The following ACTN4 variants were observed in gnomAD, a reference collection of about 807,000 sequenced individuals.
ACTN4 encodes the protein actinin alpha 4.
In ACTN4, 18 loss-of-function variants were observed where a neutral mutation model predicts 114.2. The observed-to-expected ratio is 0.16, with a 90% CI of 0.11 to 0.23. The LOEUF is 0.23. Among genes scored for constraint, ACTN4 ranks in the 10% least tolerant of loss-of-function variants. The pLI is 1.00. For synonymous variants in ACTN4, 515 were observed against 506.3 expected (o/e 1.02, Z -0.23); for missense variants, 722 against 1,262.9 (o/e 0.57, Z 6.49).
At chr19:38,684,995 G>C (rs769533862) in intron 1 of ACTN4, among the ~76,000 whole-genome samples, 4 of 152,132 alleles carry the variant, frequency 2.6e-5, no homozygotes, top group Non-Finnish European at 4.4e-5. Flanking sequence ...AGCCAGGGTG[G>C]AAGGCAGTGG....
rs1968624095 is a variant in ACTN4, at chr19:38,710,844, G to A, written c.819+502G>A. 1.5e-5 allele frequency: 4 copies of A among 268,072 alleles called. No homozygotes were observed. In the Admixed American group the frequency reaches 2.0e-4, roughly 13 times the overall value. The allele number at this position is 268,072 out of a possible 1,614,324, so 16.6% of individuals were successfully genotyped here. A position where few individuals can be genotyped will look rare whatever the true frequency, so the allele number is the denominator to read the frequency against. On this transcript the variant is annotated intron_variant, in intron 8 of 20. Transcript: ENST00000252699. ...ACAGGAAGAAGCTTGGCGTATTCAG[G>A]GACCAGCTAGAGAGGAGTGAGTGAC...
intron 1 of ACTN4, among the ~76,000 whole-genome samples, chr19:38,667,431 C>T (rs1966995926): frequency 6.6e-6 from 1 of 152,110 alleles, no homozygotes; most frequent in African/African-American, 2.4e-5. Context: ...GGGGGTGTCT[C>T]AGAAATATTC....
intron 1 of ACTN4, among the ~76,000 whole-genome samples, chr19:38,649,241 G>A (rs1976483078): frequency 7.2e-6 from 1 of 139,822 alleles, no homozygotes; most frequent in Admixed American, 7.2e-5. Context: ...CAGAAGTGGA[G>A]TGGGATCCCC....
intron 1 of ACTN4, among the ~76,000 whole-genome samples, chr19:38,678,654 C>T (rs367829414): frequency 3.3e-5 from 5 of 152,150 alleles, no homozygotes; most frequent in Admixed American, 6.6e-5. Flanking sequence ...GGACCCAGGG[C>T]GACACAGCCA....
intron 1 of ACTN4, among the ~76,000 whole-genome samples, chr19:38,653,774 C>T (rs1284652551): frequency 2.6e-5 from 4 of 152,132 alleles, no homozygotes; most frequent in Admixed American, 6.5e-5. Context: ...TTTTTTCCTC[C>T]GTTTCTTTTT....
chr19:38,714,991 G>A (rs568590661), intron 9 of ACTN4, among the ~76,000 whole-genome samples: 28 of 152,306 alleles, frequency 1.8e-4, no homozygotes, highest in African/African-American at 6.3e-4. Context: ...CCAGCAAGAC[G>A]GGAACTCGGA....
At chr19:38,700,896 C>T in intron 2 of ACTN4, 106 bp from the exon 3 acceptor site, 4 of 1,527,506 alleles carry the variant, frequency 2.6e-6, no homozygotes, top group Non-Finnish European at 3.6e-6. Flanking sequence ...GCAGAGGAAC[C>T]TGCTTTTGGA....
chr19:38,705,833 T>C lies in ACTN4; in HGVS notation c.485-211T>C, dbSNP rs1358230214. On this transcript the variant is annotated intron_variant, in intron 4 of 20. Coordinates refer to ENST00000252699, the MANE Select transcript of ACTN4 (RefSeq NM_004924.6). ...GCCGTGAGGATTAAGCAGGGCCGTG[T>C]GTCCTGGCAGTTGGGCCTGGCAGCA... 5.9e-5 allele frequency among the ~76,000 whole-genome samples: 9 copies of C among 152,190 alleles called. No individual in the cohort carries two copies. The East Asian group carries it at 1.7e-3, about 29-fold the overall frequency.
chr19:38,689,656 C>T (rs1305887672), intron 1 of ACTN4, among the ~76,000 whole-genome samples: 2 of 151,970 alleles, frequency 1.3e-5, no homozygotes, highest in East Asian at 3.8e-4. Context: ...AGTCACCATA[C>T]CCAGTTAATT....
intron 8 of ACTN4, 137 bp from the exon 9 acceptor site, chr19:38,714,332 C>T: frequency 1.3e-6 from 1 of 787,676 alleles, no homozygotes; most frequent in Non-Finnish European, 2.2e-6. Flanking sequence ...GGCACCATCT[C>T]ACTGGAGCTG....
intron 5 of ACTN4, among the ~76,000 whole-genome samples, chr19:38,706,618 TA>T (rs1271287873): frequency 6.6e-6 from 1 of 152,102 alleles, no homozygotes; most frequent in African/African-American, 2.4e-5. Flanking sequence ...AGGGTCTCCC[TA>T]TGTTGCCCAG....
At chr19:38,664,141 C>T (rs577085244) in intron 1 of ACTN4, among the ~76,000 whole-genome samples, 7 of 152,214 alleles carry the variant, frequency 4.6e-5, no homozygotes, top group Admixed American at 3.9e-4. Context: ...CCCTGCAACG[C>T]GGGTGGCCTA....
chr19:38,699,997 G>A (rs1024358762), intron 1 of ACTN4, among the ~76,000 whole-genome samples: 10 of 152,138 alleles, frequency 6.6e-5, no homozygotes, highest in African/African-American at 2.2e-4. Context: ...CCACTTTCCT[G>A]TTCTGGGTTG....
Position 38,719,513 on chromosome 19 carries a change from A to G in ACTN4, c.1291+1439A>G, listed in dbSNP as rs139024970. On this transcript the variant is annotated intron_variant, in intron 11 of 20. Transcript: ENST00000252699. ...GCTACCAGGAAAGAGTGCGAGTGAG[A>G]GAGTGGATAGTGAGGGAGGAAGGGC... Among the ~76,000 whole-genome samples, 993 of 152,174 alleles carry G rather than the reference A, an allele frequency of 6.5e-3. 14 individuals carry two copies. Among genetic ancestry groups the G allele is most frequent in the African/African-American group, 0.023 (958 of 41,510 alleles).
intron 1 of ACTN4, among the ~76,000 whole-genome samples, chr19:38,654,378 A>G (rs1212969421): frequency 6.6e-6 from 1 of 152,100 alleles, no homozygotes; most frequent in Non-Finnish European, 1.5e-5. Flanking sequence ...CCTGGCGAAC[A>G]TGGTGAAACC....
At chr19:38,670,401 C>T (rs923305685) in intron 1 of ACTN4, among the ~76,000 whole-genome samples, 1 of 152,120 alleles carries the variant, frequency 6.6e-6, no homozygotes, top group Non-Finnish European at 1.5e-5. Flanking sequence ...TCATTTGGAC[C>T]CTTGTGAGGA....
rs530113729 is a variant in ACTN4 at position 38,731,150 on chromosome 19, G to C, written c.*1718G>C. ...GGGCCACACAGGACACGAACCGCTCGAAGTCCACACGCAGACGGCTATCCC... is the reference window on the plus strand; with the variant it reads ...GGGCCACACAGGACACGAACCGCTCCAAGTCCACACGCAGACGGCTATCCC... On this transcript the variant is annotated 3_prime_UTR_variant, in exon 21 of 21. Transcript: ENST00000252699. 6.2e-7 allele frequency: 1 copy of C among 1,613,146 alleles called. No homozygotes were observed. The highest frequency in any genetic ancestry group is 1.7e-5 in the Admixed American group (1 of 60,000).
Position 38,727,112 on chromosome 19 carries a change from C to T in ACTN4, c.2337+9C>T. 6.2e-7 allele frequency: 1 copy of T among 1,613,732 alleles called. No homozygotes were observed. Among genetic ancestry groups the T allele is most frequent in the South Asian group, 1.1e-5 (1 of 91,076 alleles). The stretch of plus-strand genomic sequence containing the variant: ...TCAACCACTTCGACAAGGTGAGCAG[C>T]CTGCCACCTCCTCGGCCTCTCCCCT... On this transcript the variant is annotated intron_variant, in intron 18 of 20. Coordinates refer to ENST00000252699, the MANE Select transcript of ACTN4 (RefSeq NM_004924.6). This position sits in a 1 kb window ranked among gnomAD's most constrained non-coding sequence, Gnocchi z 5.4.
chr19:38,695,661 T>C (rs986404384), intron 1 of ACTN4, among the ~76,000 whole-genome samples: 4 of 152,106 alleles, frequency 2.6e-5, no homozygotes, highest in African/African-American at 9.7e-5. Flanking sequence ...CTTTACTCCC[T>C]TCCTTCTCGG....
Sources: allele counts gnomAD v4.1 joint callset (sites outside exome capture counted in the v4.1 genomes callset), GRCh38; gene constraint gnomAD v4.1.1; non-coding constraint Gnocchi (gnomAD v3.1); transcripts MANE v1.5; gene names NCBI Gene and HGNC (gene_info 2026-07-23, HGNC 2026-07-21).